BRINP3: variants seen among roughly 807,000 people sequenced by gnomAD.
The protein encoded by BRINP3 is BMP/retinoic acid-inducible neural-specific protein 3.
BRINP3 carries 19 observed loss-of-function variants against 71.0 expected under a neutral mutation model. The ratio of observed to expected loss-of-function variants is 0.27; its 90% CI spans 0.19 to 0.39. The LOEUF (loss-of-function observed/expected upper bound fraction) is 0.39. Among genes scored for constraint, BRINP3 ranks in the 10% least tolerant of loss-of-function variants. The pLI is 1.00. For missense variants in BRINP3, 959 were observed against 940.8 expected, an observed-to-expected ratio of 1.02 and a Z score of -0.25; for synonymous variants, 380 against 337.7, an observed-to-expected ratio of 1.13 and a Z score of -1.37.
intron 1 of BRINP3, among the ~76,000 whole-genome samples, chr1:190,466,306 C>T (rs2102686437): frequency 6.6e-6 from 1 of 151,862 alleles, no homozygotes; most frequent in Non-Finnish European, 1.5e-5. Flanking sequence ...AAATGGAAAT[C>T]TCTCAATCTG....
chr1:190,352,744 G>A (rs927779584), intron 2 of BRINP3, among the ~76,000 whole-genome samples: 2 of 151,320 alleles, frequency 1.3e-5, no homozygotes, highest in African/African-American at 2.4e-5. Flanking sequence ...ATGACATCCC[G>A]CTATACCTCA....
chr1:190,293,265 T>C (rs1664005701), intron 2 of BRINP3, among the ~76,000 whole-genome samples: 1 of 152,158 alleles, frequency 6.6e-6, no homozygotes, highest in African/African-American at 2.4e-5. Context: ...CTTTTTTAAT[T>C]TTTTTATCAA....
At chr1:190,274,801 G>GA (rs886155292) in intron 3 of BRINP3, among the ~76,000 whole-genome samples, 1 of 151,060 alleles carries the variant, frequency 6.6e-6, no homozygotes, top group Non-Finnish European at 1.5e-5. Flanking sequence ...TATTGTGGGG[G>GA]AAAAAAGTGT....
chr1:190,115,679 T>G (rs1653072188), intron 7 of BRINP3, among the ~76,000 whole-genome samples: 1 of 152,126 alleles, frequency 6.6e-6, no homozygotes, highest in South Asian at 2.1e-4. Flanking sequence ...GGTTTTTGGA[T>G]ACAGAGATAT....
intron 2 of BRINP3, among the ~76,000 whole-genome samples, chr1:190,439,607 T>G (rs996375474): frequency 6.6e-6 from 1 of 151,670 alleles, no homozygotes; most frequent in Non-Finnish European, 1.5e-5. Flanking sequence ...GTGATCTAAT[T>G]AAGGGGCATG....
intron 6 of BRINP3, among the ~76,000 whole-genome samples, chr1:190,173,163 T>C (rs914456173): frequency 1.3e-5 from 2 of 152,174 alleles, no homozygotes; most frequent in African/African-American, 2.4e-5. Flanking sequence ...CGGCTAGTTT[T>C]CTATTACACA....
At chr1:190,176,487 A>G (rs1300255004) in intron 6 of BRINP3, among the ~76,000 whole-genome samples, 1 of 152,204 alleles carries the variant, frequency 6.6e-6, no homozygotes, top group Non-Finnish European at 1.5e-5. Context: ...CTGAAACCCT[A>G]TGTGACAGGT....
Position 190,419,371 on chromosome 1 carries a change from T to C in BRINP3, c.236+35284A>G, listed in dbSNP as rs534016211. Among the ~76,000 whole-genome samples, 81 of 152,204 alleles carry C rather than the reference T, an allele frequency of 5.3e-4. 1 individual carries two copies. The highest frequency in any genetic ancestry group is 4.1e-4 in the South Asian group (2 of 4,826). The stretch of plus-strand genomic sequence containing the variant: ...TTCTATGGCTATAAAACATAAAATG[T>C]ATATGAATTTTAAGTTTAAATTATT... On this transcript the variant is annotated intron_variant, in intron 2 of 7. Transcript: ENST00000367462.
chr1:190,135,668 G>A (rs12123057), intron 7 of BRINP3, among the ~76,000 whole-genome samples: 1 of 152,000 alleles, frequency 6.6e-6, no homozygotes, highest in African/African-American at 2.4e-5. Flanking sequence ...AATAGCCCCA[G>A]GCTAAACTTG....
At chr1:190,411,582 A>G (rs1672666110) in intron 2 of BRINP3, among the ~76,000 whole-genome samples, 1 of 152,164 alleles carries the variant, frequency 6.6e-6, no homozygotes, top group African/African-American at 2.4e-5. Flanking sequence ...ATTTTTTTAA[A>G]TTTGAAATAA....
At chr1:190,314,036 T>C (rs1332137504) in intron 2 of BRINP3, among the ~76,000 whole-genome samples, 4 of 152,056 alleles carry the variant, frequency 2.6e-5, no homozygotes, top group Non-Finnish European at 5.9e-5. Context: ...CTTAAGGGCT[T>C]TGTATTTTTT....
chr1:190,195,084 C>T (rs898845151), intron 6 of BRINP3, among the ~76,000 whole-genome samples: 2 of 151,690 alleles, frequency 1.3e-5, no homozygotes, highest in Non-Finnish European at 2.9e-5. Flanking sequence ...ATCAATACGG[C>T]CTATGATATC....
chr1:190,444,058 A>C (rs368355338), intron 2 of BRINP3, among the ~76,000 whole-genome samples: 4 of 151,614 alleles, frequency 2.6e-5, no homozygotes, highest in African/African-American at 9.7e-5. Context: ...AATTGAGAAA[A>C]CCTGTCTCTA....
At chr1:190,153,564 A>T (rs1656604427) in intron 7 of BRINP3, among the ~76,000 whole-genome samples, 1 of 152,192 alleles carries the variant, frequency 6.6e-6, no homozygotes, top group Admixed American at 6.6e-5. Context: ...ATAATAAAAG[A>T]TCATTTTATA....
At chr1:190,325,511 A>G (rs1666521742) in intron 2 of BRINP3, among the ~76,000 whole-genome samples, 1 of 152,052 alleles carries the variant, frequency 6.6e-6, no homozygotes, top group Non-Finnish European at 1.5e-5. Flanking sequence ...TATTGAAATT[A>G]CATACTGAAG....
chr1:190,141,555 C>CT (rs35090212), intron 7 of BRINP3, among the ~76,000 whole-genome samples: 3,285 of 82,364 alleles, frequency 0.04, 43 homozygotes, highest in East Asian at 0.053. Context: ...TCTTTCTTTC[C>CT]TTTTTTTTTT....
chr1:190,299,752 A>G (rs1664533258), intron 2 of BRINP3, among the ~76,000 whole-genome samples: 2 of 151,880 alleles, frequency 1.3e-5, no homozygotes, highest in African/African-American at 4.8e-5. Flanking sequence ...CCTGGTGGTG[A>G]CAAATTCTCT....
chr1:190,441,739 T>C (rs1224750875), intron 2 of BRINP3, among the ~76,000 whole-genome samples: 1 of 152,090 alleles, frequency 6.6e-6, no homozygotes, highest in Admixed American at 6.6e-5. Flanking sequence ...TATGGACACA[T>C]GCAATGCTCT....
At chr1:190,163,377 A>G (rs919233555) in intron 6 of BRINP3, among the ~76,000 whole-genome samples, 6 of 152,070 alleles carry the variant, frequency 3.9e-5, no homozygotes, top group African/African-American at 1.4e-4. Context: ...TGTAAAAATT[A>G]CCCAGAAAAA....
Sources: allele counts gnomAD v4.1 joint callset (sites outside exome capture counted in the v4.1 genomes callset), GRCh38; gene constraint gnomAD v4.1.1; transcripts MANE v1.5; gene names NCBI Gene and HGNC (gene_info 2026-07-23, HGNC 2026-07-21).